KAT2B: variants seen among roughly 807,000 people sequenced by gnomAD.
KAT2B encodes histone acetyltransferase KAT2B.
KAT2B carries 36 observed loss-of-function variants against 105.9 expected under a neutral mutation model. The observed-to-expected ratio is 0.34, with a 90% CI of 0.26 to 0.45. KAT2B has a LOEUF of 0.45. KAT2B is among the 20% of genes least tolerant of loss of function. The pLI is 1.00. For missense variants in KAT2B, 820 were observed against 1,021.6 expected (o/e 0.80, Z 2.69); for synonymous variants, 397 against 377.9 (o/e 1.05, Z -0.59).
chr3:20,051,215 C>A (rs1300246991), intron 1 of KAT2B, among the ~76,000 whole-genome samples: 7 of 127,326 alleles, frequency 5.5e-5, no homozygotes, highest in African/African-American at 8.8e-5. Flanking sequence ...AAAAAAAAAA[C>A]CCAAACAAAA....
At chr3:20,083,170 G>A (rs1698550052) in intron 2 of KAT2B, among the ~76,000 whole-genome samples, 1 of 152,174 alleles carries the variant, frequency 6.6e-6, no homozygotes, top group African/African-American at 2.4e-5. Context: ...TTACATAGCA[G>A]CGACTTCATA....
At chr3:20,059,856 C>A (rs769003551) in intron 1 of KAT2B, among the ~76,000 whole-genome samples, 6 of 152,204 alleles carry the variant, frequency 3.9e-5, no homozygotes, top group Non-Finnish European at 5.9e-5. Context: ...ATTTCCATCA[C>A]CTCCAAAGGA....
At chr3:20,056,804 T>C (rs1247925005) in intron 1 of KAT2B, among the ~76,000 whole-genome samples, 1 of 152,202 alleles carries the variant, frequency 6.6e-6, no homozygotes, top group Non-Finnish European at 1.5e-5. Context: ...TTCTAGGTTT[T>C]GATGTTGGCT....
At chr3:20,051,918 T>C (rs1697922134) in intron 1 of KAT2B, among the ~76,000 whole-genome samples, 1 of 152,288 alleles carries the variant, frequency 6.6e-6, no homozygotes, top group African/African-American at 2.4e-5. Flanking sequence ...TATTTATTCA[T>C]TTAACATTAA....
chr3:20,094,358 C>T (rs1455958244), intron 2 of KAT2B, among the ~76,000 whole-genome samples: 1 of 152,112 alleles, frequency 6.6e-6, no homozygotes, highest in East Asian at 1.9e-4. Flanking sequence ...AAACTGCCTC[C>T]ATGATCCAAT....
intron 8 of KAT2B, among the ~76,000 whole-genome samples, chr3:20,120,480 G>A (rs897805245): frequency 6.6e-6 from 1 of 151,988 alleles, no homozygotes; most frequent in Non-Finnish European, 1.5e-5. Flanking sequence ...TACCTGTCTC[G>A]GCCTCCCAAA....
chr3:20,110,691 A>AG (rs1699105630), intron 5 of KAT2B, among the ~76,000 whole-genome samples: 1 of 140,092 alleles, frequency 7.1e-6, no homozygotes, highest in Non-Finnish European at 1.5e-5. Context: ...AAAAAAAAAA[A>AG]GAAAGAAAAA....
At chr3:20,096,137 G>T (rs1258053843) in intron 3 of KAT2B, among the ~76,000 whole-genome samples, 3 of 152,154 alleles carry the variant, frequency 2.0e-5, no homozygotes, top group African/African-American at 7.2e-5. Flanking sequence ...TGTAGTTGGA[G>T]GAGTGGCTGT....
chr3:20,061,929 T>C (rs1698112340), intron 1 of KAT2B, among the ~76,000 whole-genome samples: 1 of 110,276 alleles, frequency 9.1e-6, no homozygotes, highest in Non-Finnish European at 1.7e-5. Context: ...TTATATATCA[T>C]ATATAAAACA....
chr3:20,056,405 A>C (rs1467744654), intron 1 of KAT2B, among the ~76,000 whole-genome samples: 1 of 152,238 alleles, frequency 6.6e-6, no homozygotes, highest in Non-Finnish European at 1.5e-5. Context: ...TTTGGGTAAG[A>C]ATAAAGAGTT....
At chr3:20,128,838 T>A (rs1030302522) in intron 11 of KAT2B, among the ~76,000 whole-genome samples, 3 of 151,866 alleles carry the variant, frequency 2.0e-5, no homozygotes, top group African/African-American at 7.3e-5. Flanking sequence ...TAAAACCCTG[T>A]CTCTACTAAA....
rs1035569609 is a variant in KAT2B, at chr3:20,153,412, C to G, written c.*887C>G. The G allele has an allele frequency of 3.3e-5, 5 of 152,358 alleles. No individual in the cohort carries two copies. Among genetic ancestry groups the G allele is most frequent in the African/African-American group, 1.2e-4 (5 of 41,456 alleles). 9.4% of individuals were successfully genotyped at this position (152,358 alleles called of 1,614,324 possible). A position where few individuals can be genotyped will look rare whatever the true frequency, so the allele number is the denominator to read the frequency against. On this transcript the variant is annotated 3_prime_UTR_variant, in exon 18 of 18. Transcript: ENST00000263754. ...TGTATCAATCTGGTGAATCCTCGTT[C>G]TAATAAAGGTTCTTTTTCTTTTCTA...
chr3:20,052,727 G>A (rs1051815524), intron 1 of KAT2B, among the ~76,000 whole-genome samples: 1 of 151,980 alleles, frequency 6.6e-6, no homozygotes, highest in African/African-American at 2.4e-5. Flanking sequence ...CAGCACTTTA[G>A]GAGGCTGAGG....
chr3:20,055,756 T>C (rs1221903603), intron 1 of KAT2B, among the ~76,000 whole-genome samples: 1 of 152,208 alleles, frequency 6.6e-6, no homozygotes, highest in East Asian at 1.9e-4. Context: ...AACAAATACG[T>C]ATCAAGACAG....
At chr3:20,115,787 T>A (rs1486638133) in intron 7 of KAT2B, among the ~76,000 whole-genome samples, 1 of 152,170 alleles carries the variant, frequency 6.6e-6, no homozygotes, top group East Asian at 1.9e-4. Context: ...TAGTCCTACC[T>A]CCAGCTCTGG....
intron 1 of KAT2B, among the ~76,000 whole-genome samples, chr3:20,050,073 A>G (rs1697888019): frequency 6.6e-6 from 1 of 151,764 alleles, no homozygotes; most frequent in Admixed American, 6.6e-5. Flanking sequence ...GGTGGCTTGC[A>G]CCTATAGTCC....
chr3:20,086,565 C>T (rs1698619655), intron 2 of KAT2B, among the ~76,000 whole-genome samples: 1 of 152,222 alleles, frequency 6.6e-6, no homozygotes, highest in Admixed American at 6.5e-5. Flanking sequence ...CGCACCATTG[C>T]ACTCCAGCTT....
At chr3:20,070,390 C>T (rs1161907183) in intron 1 of KAT2B, among the ~76,000 whole-genome samples, 3 of 150,348 alleles carry the variant, frequency 2.0e-5, no homozygotes, top group Non-Finnish European at 4.4e-5. Context: ...CTGCAAGCTT[C>T]GCCTCCCAGG....
rs1363159448 is a variant in KAT2B, at chr3:20,145,736, ATTCTT to A, written c.2005-573_2005-569del. Among the ~76,000 whole-genome samples the A allele has an allele frequency of 8.5e-5, 13 of 152,156 alleles. No individual in the cohort carries two copies. In the East Asian group the frequency reaches 2.5e-3, roughly 29 times the overall value. On this transcript the variant is annotated intron_variant, in intron 13 of 17. Transcript: ENST00000263754. The stretch of plus-strand genomic sequence containing the variant: ...AATAGATGATACTTTAAATTGCATT[ATTCTT>A]TTCTTTCTTCTCATGACAGCCTACT...
Sources: allele counts gnomAD v4.1 joint callset (sites outside exome capture counted in the v4.1 genomes callset), GRCh38; gene constraint gnomAD v4.1.1; transcripts MANE v1.5; gene names NCBI Gene and HGNC (gene_info 2026-07-23, HGNC 2026-07-21).